Variants in GFPT1 observed in about 807,000 individuals in gnomAD.
GFPT1 encodes the protein glutamine--fructose-6-phosphate transaminase 1, also known as glutamine--fructose-6-phosphate aminotransferase [isomerizing] 1.
In GFPT1, 40 loss-of-function variants were observed where a neutral mutation model predicts 92.0. The ratio of observed to expected loss-of-function variants is 0.43; its 90% CI spans 0.34 to 0.57. The LOEUF is 0.57. Among genes scored for constraint, GFPT1 ranks in the 20% least tolerant of loss-of-function variants. GFPT1 has a pLI of 0.02. For missense variants in GFPT1, 448 were observed against 869.1 expected, an observed-to-expected ratio of 0.52 and a Z score of 6.09; for synonymous variants, 269 against 280.6, an observed-to-expected ratio of 0.96 and a Z score of 0.41.
intron 3 of GFPT1, among the ~76,000 whole-genome samples, chr2:69,368,593 TG>T (rs1398085756): frequency 2.6e-5 from 4 of 152,142 alleles, no homozygotes; most frequent in Non-Finnish European, 2.9e-5. Flanking sequence ...CCGGGCATGA[TG>T]GCACACGCCT....
chr2:69,354,378 G>T, intron 8 of GFPT1, 66 bp from the exon 9 acceptor site: 7 of 1,399,584 alleles, frequency 5.0e-6, no homozygotes, highest in Non-Finnish European at 7.1e-6. Flanking sequence ...TCTTTTTCAT[G>T]TCTAGACAGA....
chr2:69,360,951 T>G (rs937205545), intron 4 of GFPT1, among the ~76,000 whole-genome samples: 2 of 151,932 alleles, frequency 1.3e-5, no homozygotes, highest in African/African-American at 4.8e-5. Flanking sequence ...GTCAGGCTGG[T>G]CTCCAACTCC....
rs374829932 is a variant in GFPT1, at chr2:69,348,309, C to A, written c.871G>T (p.Val291Phe). The A allele has an allele frequency of 1.9e-6, 3 of 1,612,520 alleles. No homozygotes were observed. The African/African-American group carries it at 4.0e-5, about 22-fold the overall frequency. ...ACATCATCATCTTCCAGAAAGATGA[C>A]GCGATTGGTGTGTTCTATGACAGCA... ...ASAVIEHTNR[V>F]IFLEDDDVAA... is the part of the protein sequence containing the mutation. The change falls in exon 11 of 20, where the codon GTC becomes TTC. Residue 291 changes from valine (V) to phenylalanine (F), a missense_variant. Around this residue, in one of 7 missense-constraint regions of GFPT1, gnomAD observed 121 missense variants for 304.3 expected, o/e 0.40. Coordinates refer to ENST00000357308, the MANE Select transcript of GFPT1 (RefSeq NM_001244710.2).
chr2:69,329,536 G>T, intron 16 of GFPT1, 112 bp from the exon 17 acceptor site: 1 of 969,446 alleles, frequency 1.0e-6, no homozygotes, highest in Non-Finnish European at 1.6e-6. Flanking sequence ...CTATCAATCA[G>T]TATGGGTATT....
chr2:69,369,956 G>C lies in GFPT1; in HGVS notation c.223+45C>G, dbSNP rs762967385. On this transcript the variant is annotated intron_variant, in intron 3 of 19. Coordinates refer to ENST00000357308, the MANE Select transcript of GFPT1 (RefSeq NM_001244710.2). ...TTAGAGGAGAATGGGGAGGGGAAAA[G>C]GAAGAGAAGGGGAAAGGGGACAAAA... is the stretch of plus-strand genomic sequence containing the variant. 10 of 1,080,418 alleles carry C rather than the reference G, an allele frequency of 9.3e-6. No individual in the cohort carries two copies. The Admixed American group carries it at 1.7e-4, about 18-fold the overall frequency. 66.9% of individuals were successfully genotyped at this position (1,080,418 alleles called of 1,614,324 possible). A position where few individuals can be genotyped will look rare whatever the true frequency, so the allele number is the denominator to read the frequency against.
chr2:69,374,077 G>A lies in GFPT1; in HGVS notation c.44C>T (p.Thr15Met), dbSNP rs751097758. ...FAYLNYHVPRTRREILETLIK... is the reference protein window; with the variant it reads ...FAYLNYHVPRMRREILETLIK... Reference sequence around the variant, plus strand: ...TAGGGTCTCCAGGATTTCTCGTCTCGTTCGAGGAACATGGTAGTTTAAGTA... The same window carrying A: ...TAGGGTCTCCAGGATTTCTCGTCTCATTCGAGGAACATGGTAGTTTAAGTA... Residue 15 changes from threonine (T) to methionine (M), a missense_variant, in exon 2 of 20, where the codon ACG (threonine) becomes ATG (methionine). Thr to Met is a moderately conservative substitution (Grantham distance 81). Coordinates refer to ENST00000357308, the MANE Select transcript of GFPT1 (RefSeq NM_001244710.2). 2.3e-5 allele frequency: 37 copies of A among 1,594,098 alleles called. No individual in the cohort carries two copies. The highest frequency in any genetic ancestry group is 2.7e-5 in the African/African-American group (2 of 74,420).
rs1670615814 is a variant in GFPT1 at position 69,329,716 on chromosome 2, T to C, written c.1565A>G (p.Lys522Arg). Residue 522 changes from lysine to arginine, a missense_variant, in exon 16 of 20, where the codon AAA becomes AGA. Physicochemically the swap from Lys to Arg is conservative, Grantham distance 26. Transcript: ENST00000357308. ...CCGTTTCAATCCAAGCATGATCTCT[T>C]TGCGTCTTTCTTGCATGGAGATCCG... Reference protein sequence around the residue: ...DDRISMQERRKEIMLGLKRLP... With the variant: ...DDRISMQERRREIMLGLKRLP... 3 of 1,612,416 alleles carry C rather than the reference T, an allele frequency of 1.9e-6. No individual in the cohort carries two copies. In the East Asian group the frequency reaches 6.7e-5, roughly 36 times the overall value.
chr2:69,345,766 A>C (rs1671066660), intron 12 of GFPT1, 138 bp downstream of exon 12: 3 of 639,434 alleles, frequency 4.7e-6, no homozygotes, highest in African/African-American at 3.7e-5. Context: ...AACTTTTTCC[A>C]AGATGGCTGG....
intron 3 of GFPT1, among the ~76,000 whole-genome samples, chr2:69,365,451 G>A (rs574781163): frequency 3.8e-4 from 58 of 152,278 alleles, no homozygotes; most frequent in African/African-American, 1.3e-3. Context: ...CAGCCTGGGC[G>A]AAAGAGCAAG....
Position 69,387,198 on chromosome 2 carries a change from G to A in GFPT1, c.-127C>T. ...GTGGCGCCGACACGACTCCCTCGGG[G>A]ATGCGACGGCCAAGGCAACGACAGC... On this transcript the variant is annotated 5_prime_UTR_variant, in exon 1 of 20. Coordinates refer to ENST00000357308, the MANE Select transcript of GFPT1 (RefSeq NM_001244710.2). 9.4e-7 allele frequency: 1 copy of A among 1,063,722 alleles called. No individual in the cohort carries two copies. The highest frequency in any genetic ancestry group is 2.8e-4 in the Middle Eastern group (1 of 3,570). The allele number at this position is 1,063,722 out of a possible 1,614,324, so 65.9% of individuals were successfully genotyped here.
At chr2:69,356,614 C>G in intron 6 of GFPT1, 57 bp from the exon 7 acceptor site, 2 of 1,235,238 alleles carry the variant, frequency 1.6e-6, no homozygotes, top group South Asian at 2.4e-5. Flanking sequence ...GTCAGAAATG[C>G]CTAGAACATA....
intron 2 of GFPT1, among the ~76,000 whole-genome samples, chr2:69,373,615 T>A (rs1386490487): frequency 1.3e-5 from 2 of 151,916 alleles, no homozygotes; most frequent in Non-Finnish European, 2.9e-5. Context: ...TGAGACCCTA[T>A]CTCAAAAATA....
chr2:69,342,008 C>T, intron 13 of GFPT1, 144 bp downstream of exon 13: 1 of 590,668 alleles, frequency 1.7e-6, no homozygotes, highest in South Asian at 2.2e-5. Flanking sequence ...GTAAATTTCT[C>T]CCCTTACCTT....
Position 69,326,243 on chromosome 2 carries a change from GAAAA to G in GFPT1, c.2056-14_2056-11del. On this transcript the variant is annotated splice_polypyrimidine_tract_variant and intron_variant, in intron 19 of 19. Transcript: ENST00000357308. ...TCCGTGGGAAATCAACCTGCAAAAA[GAAAA>G]AAAAAAAAAGCAAGATTTGAGAGAT... 20 of 1,346,336 alleles carry G rather than the reference GAAAA, an allele frequency of 1.5e-5. No individual in the cohort carries two copies. Among genetic ancestry groups the G allele is most frequent in the East Asian group, 2.4e-5 (1 of 41,068 alleles). The allele number at this position is 1,346,336 out of a possible 1,614,324, so 83.4% of individuals were successfully genotyped here.
chr2:69,357,730 T>G (rs1671375264), intron 6 of GFPT1, among the ~76,000 whole-genome samples: 1 of 152,252 alleles, frequency 6.6e-6, no homozygotes, highest in Admixed American at 6.5e-5. Context: ...TTTGGACATT[T>G]GTAGATCTTT....
chr2:69,340,638 T>C (rs1391414157), intron 13 of GFPT1, among the ~76,000 whole-genome samples: 2 of 151,424 alleles, frequency 1.3e-5, no homozygotes, highest in African/African-American at 4.9e-5. Context: ...ATTCAGGATA[T>C]AGATACTAAA....
intron 1 of GFPT1, 25 bp downstream of exon 1, chr2:69,387,040 C>T (rs1558793170): frequency 1.3e-6 from 2 of 1,516,660 alleles, no homozygotes; most frequent in East Asian, 2.5e-5. Flanking sequence ...CCCGGCAACA[C>T]GCCCCCCGCT....
chr2:69,333,551 T>G (rs1012838850), intron 15 of GFPT1, among the ~76,000 whole-genome samples: 5 of 152,238 alleles, frequency 3.3e-5, no homozygotes, highest in Non-Finnish European at 5.9e-5. Flanking sequence ...AAATGCTGAC[T>G]CTGAAATTTT....
intron 18 of GFPT1, 63 bp downstream of exon 18, chr2:69,328,208 C>G (rs142895491): frequency 6.6e-5 from 82 of 1,238,894 alleles, no homozygotes; most frequent in Non-Finnish European, 9.4e-5. Context: ...GTAAGTCATT[C>G]AAATAAGCTA....
Sources: allele counts gnomAD v4.1 joint callset (sites outside exome capture counted in the v4.1 genomes callset), GRCh38; gene constraint gnomAD v4.1.1; regional missense constraint gnomAD v4.1.1; transcripts MANE v1.5; gene names NCBI Gene and HGNC (gene_info 2026-07-23, HGNC 2026-07-21).